Variants in BIN1 observed in about 807,000 individuals in gnomAD.
BIN1 encodes the protein bridging integrator 1, also known as myc box-dependent-interacting protein 1.
A neutral mutation model predicts 82.0 loss-of-function variants in BIN1; 53 were observed. That is an observed-to-expected ratio of 0.65 (90% confidence interval 0.52 to 0.81). The LOEUF is 0.81. BIN1 is among the 40% of genes least tolerant of loss of function. BIN1 has a pLI of 0.00. For missense variants in BIN1, 642 were observed against 784.4 expected (o/e 0.82, Z 2.17); for synonymous variants, 302 against 328.0 (o/e 0.92, Z 0.86).
intron 1 of BIN1, among the ~76,000 whole-genome samples, chr2:127,086,813 C>T (rs1405062612): frequency 3.3e-5 from 5 of 149,826 alleles, no homozygotes; most frequent in Admixed American, 6.6e-5. Context: ...GACAGTGATC[C>T]GTCTTTTTAA....
chr2:127,048,849 G>A lies in BIN1; in HGVS notation c.1675-216C>T, dbSNP rs1319555709. Among the ~76,000 whole-genome samples the A allele has an allele frequency of 3.3e-5, 5 of 152,246 alleles. No homozygotes were observed. In the South Asian group the frequency reaches 6.2e-4, roughly 19 times the overall value. Reference sequence around the variant, plus strand: ...GAGGCACCACAGGAGCCAGCCTGTCGTCCGCAGGTGGATCTAACCATTCGT... The same window carrying A: ...GAGGCACCACAGGAGCCAGCCTGTCATCCGCAGGTGGATCTAACCATTCGT... On this transcript the variant is annotated intron_variant, in intron 18 of 18. Coordinates refer to ENST00000316724, the MANE Select transcript of BIN1 (RefSeq NM_139343.3).
chr2:127,077,509 G>C (rs909191902), intron 1 of BIN1, among the ~76,000 whole-genome samples: 2 of 152,174 alleles, frequency 1.3e-5, no homozygotes, highest in African/African-American at 4.8e-5. Context: ...TAGGAAAGGA[G>C]GGCGCTGGCC....
At chr2:127,049,005 C>G (rs1216800985) in intron 18 of BIN1, among the ~76,000 whole-genome samples, 2 of 152,244 alleles carry the variant, frequency 1.3e-5, no homozygotes, top group African/African-American at 2.4e-5. Context: ...GACTTGGGGC[C>G]ATCCCACCAG....
chr2:127,095,350 G>C (rs560668850), intron 1 of BIN1, among the ~76,000 whole-genome samples: 1 of 152,322 alleles, frequency 6.6e-6, no homozygotes, highest in East Asian at 1.9e-4. Context: ...CTGGATTCCT[G>C]TCGGTACCCA....
Position 127,068,124 on chromosome 2 carries a change from G to A in BIN1, c.612+39C>T. 6.3e-7 allele frequency: 1 copy of A among 1,589,602 alleles called. No homozygotes were observed. The highest frequency in any genetic ancestry group is 8.6e-7 in the Non-Finnish European group (1 of 1,163,374). ...GGCGAGAGGACAGGACGACAGACCG[G>A]AAGGCGCCAGCACGTGCAAGGTTAG... On this transcript the variant is annotated intron_variant, in intron 7 of 18. Transcript: ENST00000316724. This position sits in a 1 kb window ranked among gnomAD's most constrained non-coding sequence, Gnocchi z 4.9.
intron 17 of BIN1, 115 bp downstream of exon 17, chr2:127,050,687 G>T: frequency 1.5e-6 from 2 of 1,365,308 alleles, no homozygotes; most frequent in South Asian, 1.2e-5. Context: ...GGCTGGGAGT[G>T]ACCTAGTAGC....
chr2:127,072,596 T>C (rs1686032930), intron 2 of BIN1, among the ~76,000 whole-genome samples: 1 of 149,940 alleles, frequency 6.7e-6, no homozygotes, highest in African/African-American at 2.5e-5. Context: ...GCACATAAGA[T>C]GTATAATTTA....
At chr2:127,092,122 A>C (rs1679014815) in intron 1 of BIN1, among the ~76,000 whole-genome samples, 2 of 145,880 alleles carry the variant, frequency 1.4e-5, no homozygotes, top group African/African-American at 2.6e-5. Flanking sequence ...ACCCACCTCT[A>C]CCCCCTGTCC....
chr2:127,099,813 T>A (rs1457664103), intron 1 of BIN1, among the ~76,000 whole-genome samples: 1 of 142,994 alleles, frequency 7.0e-6, no homozygotes, highest in Non-Finnish European at 1.5e-5. Context: ...CGCCTGGCCT[T>A]TTTTTTTTGA....
At chr2:127,076,839 C>G in intron 1 of BIN1, 133 bp from the exon 2 acceptor site, 2 of 962,270 alleles carry the variant, frequency 2.1e-6, no homozygotes, top group Non-Finnish European at 3.3e-6. Context: ...CCCAGGGTGC[C>G]CACCCAGGGC....
chr2:127,062,415 C>T (rs1684625178), intron 9 of BIN1, among the ~76,000 whole-genome samples: 2 of 152,236 alleles, frequency 1.3e-5, no homozygotes, highest in South Asian at 4.1e-4. Context: ...TGCCTGCTGT[C>T]TCTGGAAGCC....
At chr2:127,058,293 G>C (rs1683968882) in intron 11 of BIN1, among the ~76,000 whole-genome samples, 1 of 152,224 alleles carries the variant, frequency 6.6e-6, no homozygotes, top group Non-Finnish European at 1.5e-5. Context: ...ACCATGTCCA[G>C]GCCGGGGGAA....
At position 127,054,183 on chromosome 2, in the gene BIN1, C is replaced by A. The variant is rs1034906273; in HGVS notation, c.1132-171G>T. 6.1e-6 allele frequency: 4 copies of A among 657,918 alleles called. No individual in the cohort carries two copies. The Admixed American group carries it at 8.5e-5, about 14-fold the overall frequency. The allele number at this position is 657,918 out of a possible 1,614,324, so 40.8% of individuals were successfully genotyped here. On this transcript the variant is annotated intron_variant, in intron 12 of 18. Coordinates refer to ENST00000316724, the MANE Select transcript of BIN1 (RefSeq NM_139343.3). ...CACACACGCTGGCACACAGCCCAGGCACCAACTCATCCACCTCACACACGG... is the reference window on the plus strand; with the variant it reads ...CACACACGCTGGCACACAGCCCAGGAACCAACTCATCCACCTCACACACGG...
chr2:127,067,394 T>C lies in BIN1; in HGVS notation c.612+769A>G, dbSNP rs1007568120. Among the ~76,000 whole-genome samples, 1 of 152,102 alleles carries C rather than the reference T, an allele frequency of 6.6e-6. No homozygotes were observed. The highest frequency in any genetic ancestry group is 2.4e-5 in the African/African-American group (1 of 41,408). ...TGGTCCCTGGCCACACTGTAACCCA[T>C]TTGGAGGGCAGGGGGCTGAGAAGAC... On this transcript the variant is annotated intron_variant, in intron 7 of 18. Coordinates refer to ENST00000316724, the MANE Select transcript of BIN1 (RefSeq NM_139343.3). The surrounding 1 kb of genome is among the most constrained non-coding windows in gnomAD (Gnocchi z 4.7).
rs984126012 is a variant in BIN1 at position 127,057,210 on chromosome 2, C to A, written c.1131+263G>T. On this transcript the variant is annotated intron_variant, in intron 12 of 18. Coordinates refer to ENST00000316724, the MANE Select transcript of BIN1 (RefSeq NM_139343.3). This position sits in a 1 kb window ranked among gnomAD's most constrained non-coding sequence, Gnocchi z 5.0. The stretch of plus-strand genomic sequence containing the variant: ...CATAGCACCCACTGCGTCGCGAGGG[C>A]GCTGCTGATGTAACTGCTGCGCCGG... 6.6e-6 allele frequency among the ~76,000 whole-genome samples: 1 copy of A among 152,234 alleles called. No individual in the cohort carries two copies. Among genetic ancestry groups the A allele is most frequent in the East Asian group, 1.9e-4 (1 of 5,192 alleles).
At chr2:127,085,528 C>A (rs1406747136) in intron 1 of BIN1, among the ~76,000 whole-genome samples, 1 of 152,100 alleles carries the variant, frequency 6.6e-6, no homozygotes, top group Non-Finnish European at 1.5e-5. Context: ...CTCCTGGGCA[C>A]AGTAGGAAAG....
rs1181412988 is a variant in BIN1 at position 127,057,635 on chromosome 2, G to C, written c.1003-34C>G. The C allele has an allele frequency of 6.7e-7, 1 of 1,494,118 alleles. No individual in the cohort carries two copies. The highest frequency in any genetic ancestry group is 1.4e-5 in the African/African-American group (1 of 71,716). 92.6% of individuals were successfully genotyped at this position (1,494,118 alleles called of 1,614,324 possible). A position where few individuals can be genotyped will look rare whatever the true frequency, so the allele number is the denominator to read the frequency against. ...CGGCGGCGGGTGAGGGGCCGCGCGG[G>C]AAGGCACAGCAGAGCACGGGGTTTG... On this transcript the variant is annotated intron_variant, in intron 11 of 18. Coordinates refer to ENST00000316724, the MANE Select transcript of BIN1 (RefSeq NM_139343.3). The surrounding 1 kb of genome is among the most constrained non-coding windows in gnomAD (Gnocchi z 5.0).
chr2:127,081,905 C>T, intron 1 of BIN1: 1 of 1,275,936 alleles, frequency 7.8e-7, no homozygotes, highest in Admixed American at 2.4e-5. Context: ...CTCGCCCCTT[C>T]CTCCCAGCAG....
At chr2:127,089,057 G>A (rs1464026250) in intron 1 of BIN1, among the ~76,000 whole-genome samples, 1 of 151,754 alleles carries the variant, frequency 6.6e-6, no homozygotes, top group Non-Finnish European at 1.5e-5. Context: ...TGATTCCATA[G>A]CCTCATGGTG....
Sources: allele counts gnomAD v4.1 joint callset (sites outside exome capture counted in the v4.1 genomes callset), GRCh38; gene constraint gnomAD v4.1.1; non-coding constraint Gnocchi (gnomAD v3.1); transcripts MANE v1.5; gene names NCBI Gene and HGNC (gene_info 2026-07-23, HGNC 2026-07-21).